ABCA9: variants seen among roughly 807,000 people sequenced by gnomAD.
ABCA9 encodes ATP binding cassette subfamily A member 9, also known as ATP-binding cassette sub-family A member 9.
ABCA9 carries 183 observed loss-of-function variants against 205.3 expected under a neutral mutation model. The observed-to-expected ratio is 0.89, with a 90% CI of 0.79 to 1.01. ABCA9 has a LOEUF of 1.01. ABCA9 is among the 50% of genes least tolerant of loss of function. The probability of loss-of-function intolerance (pLI) is 0.00; values close to 1 mark genes in which losing one functional copy is unlikely to be tolerated. For synonymous variants in ABCA9, 651 were observed against 683.3 expected, an observed-to-expected ratio of 0.95 and a Z score of 0.74; for missense variants, 1,805 against 1,912.4, an observed-to-expected ratio of 0.94 and a Z score of 1.05.
chr17:69,046,054 T>C (rs1402115190), intron 3 of ABCA9, among the ~76,000 whole-genome samples: 1 of 152,218 alleles, frequency 6.6e-6, no homozygotes, highest in Non-Finnish European at 1.5e-5. Flanking sequence ...ATATTGATAT[T>C]GGAAATACCA....
chr17:69,030,923 C>T (rs143071176), intron 10 of ABCA9, among the ~76,000 whole-genome samples: 167 of 152,276 alleles, frequency 1.1e-3, no homozygotes, highest in Non-Finnish European at 1.7e-3. Context: ...CAGCTGGCTT[C>T]ACCTCTGGGA....
intron 23 of ABCA9, 80 bp downstream of exon 23, chr17:69,011,896 G>A: frequency 1.2e-6 from 1 of 829,884 alleles, no homozygotes; most frequent in Non-Finnish European, 1.8e-6. Flanking sequence ...TTTACCACTT[G>A]CATGTAAATT....
At position 69,035,375 on chromosome 17, in the gene ABCA9, C is replaced by G; in HGVS notation, c.999G>C (p.Leu333Phe). The change falls in exon 8 of 39, where the codon TTG becomes TTC. Residue 333 changes from leucine to phenylalanine, a missense_variant. Transcript: ENST00000340001. ...AAAAGACAATAAGGAGAAACACAAC[C>G]AAGCCCGTAAGGAAAGGTTTCTTTA... Reference protein sequence around the residue: ...VLIKKPFLTGLVVFLLIVFWG... With the variant: ...VLIKKPFLTGFVVFLLIVFWG... 1 of 1,607,204 alleles carries G rather than the reference C, an allele frequency of 6.2e-7. No individual in the cohort carries two copies.
intron 3 of ABCA9, among the ~76,000 whole-genome samples, chr17:69,048,721 C>A (rs73370073): frequency 0.031 from 4,678 of 152,228 alleles, 243 homozygotes; most frequent in African/African-American, 0.1. Flanking sequence ...CAAATTGGCC[C>A]TCTCTGCTTT....
upstream of ABCA9, among the ~76,000 whole-genome samples, chr17:69,063,674 G>T (rs866592971): frequency 6.6e-6 from 1 of 152,048 alleles, no homozygotes; most frequent in Admixed American, 6.5e-5. Flanking sequence ...CCGGGTTCAT[G>T]CCATTCTCGT....
the ABCA9 span, among the ~76,000 whole-genome samples, chr17:69,076,897 CTCTT>C: frequency 1.7e-4 from 26 of 152,052 alleles, no homozygotes; most frequent in African/African-American, 5.8e-4. Context: ...TGGATTTTCT[CTCTT>C]TTTTTTCTTT....
At chr17:69,002,157 C>A (rs2069900386) in intron 25 of ABCA9, among the ~76,000 whole-genome samples, 1 of 134,846 alleles carries the variant, frequency 7.4e-6, no homozygotes, top group African/African-American at 2.8e-5. Context: ...TTGCCTTCTG[C>A]TAGCTTTTGA....
At position 69,003,502 on chromosome 17, in the gene ABCA9, G is replaced by A. The variant is rs1598355842; in HGVS notation, c.3435+4257C>T. ...CGAGAGATCCACTGTTAGTCTGATGGGCTTCCCTTTGAGGGTAACCCGACC... is the reference window on the plus strand; with the variant it reads ...CGAGAGATCCACTGTTAGTCTGATGAGCTTCCCTTTGAGGGTAACCCGACC... On this transcript the variant is annotated intron_variant, in intron 25 of 38. Transcript: ENST00000340001. Among the ~76,000 whole-genome samples the A allele has an allele frequency of 3.8e-5, 5 of 133,150 alleles. 1 individual carries two copies. The allele number at this position is 133,150 out of a possible 152,430, so 87.4% of individuals were successfully genotyped here.
At chr17:69,017,322 AG>A (rs1162946610) in intron 21 of ABCA9, among the ~76,000 whole-genome samples, 13 of 152,278 alleles carry the variant, frequency 8.5e-5, no homozygotes, top group Admixed American at 7.9e-4. Context: ...AGAAAAGCAA[AG>A]GCCAAGTCTA....
At position 68,983,796 on chromosome 17, in the gene ABCA9, A is replaced by G. The variant is rs371979235; in HGVS notation, c.4553T>C (p.Leu1518Pro). 2.5e-6 allele frequency: 4 copies of G among 1,614,056 alleles called. No homozygotes were observed. Among genetic ancestry groups the G allele is most frequent in the Non-Finnish European group, 3.4e-6 (4 of 1,180,052 alleles). The change falls in exon 36 of 39, where the codon CTG becomes CCG. Residue 1518 changes from leucine to proline, a missense_variant. Physicochemically the swap from Leu to Pro is moderately conservative, Grantham distance 98. Transcript: ENST00000340001. Reference sequence around the variant, plus strand: ...TGCCAGGTTCTTCAGCTTCATCTCCAGCAGGTAGTCTTTGCCAAATTTGCT... The same window carrying G: ...TGCCAGGTTCTTCAGCTTCATCTCCGGCAGGTAGTCTTTGCCAAATTTGCT... ...LKSKFGKDYL[L>P]EMKLKNLAQM...
rs77498678 is a variant in ABCA9, at chr17:68,996,763, G to A, written c.3436-749C>T. ...ACCATTTAATATGACATTTACCATT[G>A]GTTTGGGTAATTTGTCCCTCTTGTG... On this transcript the variant is annotated intron_variant, in intron 25 of 38. Transcript: ENST00000340001. Among the ~76,000 whole-genome samples the A allele has an allele frequency of 6.5e-3, 984 of 151,984 alleles. 18 individuals are homozygous for A. Among genetic ancestry groups the A allele is most frequent in the African/African-American group, 0.023 (950 of 41,458 alleles).
intron 4 of ABCA9, among the ~76,000 whole-genome samples, chr17:69,044,970 G>A (rs575907423): frequency 1.1e-4 from 17 of 152,148 alleles, no homozygotes; most frequent in African/African-American, 3.9e-4. Context: ...AGAAATAAGA[G>A]TAAATATAAT....
intron 25 of ABCA9, among the ~76,000 whole-genome samples, chr17:69,000,683 T>C (rs1161990223): frequency 2.0e-5 from 3 of 151,280 alleles, no homozygotes; most frequent in East Asian, 3.9e-4. Flanking sequence ...GGTAGCTTGA[T>C]GGGGATGGCA....
intron 32 of ABCA9, among the ~76,000 whole-genome samples, chr17:68,985,627 C>T (rs1165226887): frequency 6.6e-6 from 1 of 151,392 alleles, no homozygotes; most frequent in Non-Finnish European, 1.5e-5. Flanking sequence ...TCTCAAAAAA[C>T]AAAACAAACA....
chr17:68,983,760 G>T lies in ABCA9; in HGVS notation c.4589C>A (p.Pro1530His), dbSNP rs758415929. Reference sequence around the variant, plus strand: ...AAGCCTCAGGATCTCTGCATGGAGGGGCTCCATTTGTGCCAGGTTCTTCAG... The same window carrying T: ...AAGCCTCAGGATCTCTGCATGGAGGTGCTCCATTTGTGCCAGGTTCTTCAG... ...MKLKNLAQME[P>H]LHAEILRLFP... Residue 1530 changes from proline (P) to histidine (H), a missense_variant, in exon 36 of 39, where the codon CCC becomes CAC. Transcript: ENST00000340001. 1 of 1,614,186 alleles carries T rather than the reference G, an allele frequency of 6.2e-7. No individual in the cohort carries two copies. The highest frequency in any genetic ancestry group is 8.5e-7 in the Non-Finnish European group (1 of 1,180,042).
At position 68,993,103 on chromosome 17, in the gene ABCA9, G is replaced by C. The variant is rs756085446; in HGVS notation, c.3556-19C>G. The C allele has an allele frequency of 6.3e-6, 10 of 1,588,612 alleles. No individual in the cohort carries two copies. In the East Asian group the frequency reaches 2.2e-4, roughly 36 times the overall value. On this transcript the variant is annotated intron_variant, in intron 26 of 38. Coordinates refer to ENST00000340001, the MANE Select transcript of ABCA9 (RefSeq NM_080283.4). ...GAGAAATCTGTAAAATGAGCAGTAAGTGTATTCAGGTGAACCTTCTTTATT... is the reference window on the plus strand; with the variant it reads ...GAGAAATCTGTAAAATGAGCAGTAACTGTATTCAGGTGAACCTTCTTTATT...
At chr17:69,072,968 G>T in the ABCA9 span, among the ~76,000 whole-genome samples, 2 of 152,146 alleles carry the variant, frequency 1.3e-5, no homozygotes, top group African/African-American at 4.8e-5. Flanking sequence ...TGATAAAACA[G>T]ACTTTAAACC....
chr17:68,977,456 G>C (rs1488260730), intron 37 of ABCA9, among the ~76,000 whole-genome samples: 1 of 152,098 alleles, frequency 6.6e-6, no homozygotes, highest in Non-Finnish European at 1.5e-5. Flanking sequence ...CTACACCCTG[G>C]AGAGGCCCAA....
intron 22 of ABCA9, among the ~76,000 whole-genome samples, 153 bp downstream of exon 22, chr17:69,016,092 ATGTGTGTG>A (rs372014674): frequency 1.1e-5 from 1 of 90,010 alleles, no homozygotes. Flanking sequence ...ACAGATTTAT[ATGTGTGTG>A]TGTATATATA....
Sources: gnomAD v4.1 joint callset for allele counts (sites outside exome capture counted in the v4.1 genomes callset) on GRCh38, gnomAD v4.1.1 for gene constraint, MANE v1.5 for transcripts, NCBI Gene and HGNC (gene_info 2026-07-23, HGNC 2026-07-21) for gene names.